Variants in METTL16 observed in about 807,000 individuals in gnomAD.
METTL16 encodes methyltransferase 16, RNA N6-adenosine, also known as RNA N(6)-adenosine-methyltransferase METTL16.
A neutral mutation model predicts 57.9 loss-of-function variants in METTL16; 19 were observed. That is an observed-to-expected ratio of 0.33 (90% CI 0.23 to 0.48). The LOEUF (loss-of-function observed/expected upper bound fraction) is 0.48, where lower values mean the gene tolerates loss of function less well. Among genes scored for constraint, METTL16 ranks in the 20% least tolerant of loss-of-function variants. METTL16 has a pLI of 0.99. For missense variants in METTL16, 434 were observed against 691.5 expected, an observed-to-expected ratio of 0.63 and a Z score of 4.18; for synonymous variants, 246 against 255.6, an observed-to-expected ratio of 0.96 and a Z score of 0.36.
chr17:2,502,737 T>C (rs1457895709), intron 1 of METTL16, among the ~76,000 whole-genome samples: 7 of 151,816 alleles, frequency 4.6e-5, no homozygotes, highest in Non-Finnish European at 8.8e-5. Context: ...AGTTAATAGT[T>C]ACAGCCAACA....
chr17:2,428,699 C>G (rs1397881703), intron 8 of METTL16, among the ~76,000 whole-genome samples: 2 of 146,226 alleles, frequency 1.4e-5, no homozygotes, highest in South Asian at 2.1e-4. Context: ...GAGTTCGAGA[C>G]CAGCATGGGC....
intron 4 of METTL16, among the ~76,000 whole-genome samples, chr17:2,472,934 T>C (rs7225589): frequency 0.085 from 12,862 of 152,048 alleles, 1,731 homozygotes; most frequent in African/African-American, 0.29. Flanking sequence ...GTCAGCTTCA[T>C]TATTCCAAAA....
intron 3 of METTL16, among the ~76,000 whole-genome samples, chr17:2,475,569 G>A (rs72805756): frequency 0.048 from 7,254 of 152,166 alleles, 194 homozygotes; most frequent in Admixed American, 0.091. Context: ...ATTTGTCAGC[G>A]CCAAAAAAAG....
chr17:2,424,924 G>A (rs1292429275), intron 8 of METTL16, among the ~76,000 whole-genome samples: 3 of 151,882 alleles, frequency 2.0e-5, no homozygotes, highest in African/African-American at 7.3e-5. Context: ...CTCCAGCCTC[G>A]GTGACAGAGC....
At chr17:2,500,259 T>C (rs944380607) in intron 2 of METTL16, among the ~76,000 whole-genome samples, 8 of 151,786 alleles carry the variant, frequency 5.3e-5, no homozygotes, top group African/African-American at 1.9e-4. Context: ...AGCCCTATGA[T>C]CCTAATCTTC....
At position 2,438,347 on chromosome 17, in the gene METTL16, A is replaced by G. The variant is rs1046777875; in HGVS notation, c.799-149T>C. On this transcript the variant is annotated intron_variant, in intron 7 of 9. Transcript: ENST00000263092. ...AACAACAGTTATAGATAGCTGCCTA[A>G]TAATGAATGAATAAATCATCTCTCA... is the stretch of plus-strand genomic sequence containing the variant. 60 of 609,374 alleles carry G rather than the reference A, an allele frequency of 9.8e-5. No homozygotes were observed. The Admixed American group carries it at 1.6e-3, about 16-fold the overall frequency. 37.7% of individuals were successfully genotyped at this position (609,374 alleles called of 1,614,324 possible).
chr17:2,453,528 A>C (rs1175580391), intron 6 of METTL16, among the ~76,000 whole-genome samples: 2 of 152,218 alleles, frequency 1.3e-5, no homozygotes, highest in African/African-American at 4.8e-5. Context: ...GGTGCGTCAC[A>C]TCAGGAGATG....
rs1555621099 is a variant in METTL16, at chr17:2,492,912, A to AAAC, written c.128+9291_128+9292insGTT. On this transcript the variant is annotated intron_variant, in intron 2 of 9. Transcript: ENST00000263092. The stretch of plus-strand genomic sequence containing the variant: ...GACTCCGTCTCAAAAAAAAAAAAAA[A>AAAC]AAAACAACAAAAAAAACACAGCTGG... 1.7e-3 allele frequency among the ~76,000 whole-genome samples: 239 copies of AAAC among 143,384 alleles called. 6 individuals carry two copies. The highest frequency in any genetic ancestry group is 7.0e-3 in the Middle Eastern group (2 of 284). 94.1% of individuals were successfully genotyped at this position (143,384 alleles called of 152,430 possible). A position where few individuals can be genotyped will look rare whatever the true frequency, so the allele number is the denominator to read the frequency against.
At chr17:2,510,214 G>T (rs1317233491) in intron 1 of METTL16, among the ~76,000 whole-genome samples, 2 of 152,198 alleles carry the variant, frequency 1.3e-5, no homozygotes, top group Admixed American at 1.3e-4. Context: ...TGCGGTATTT[G>T]TTCCACGCAT....
At chr17:2,494,953 A>C (rs550114313) in intron 2 of METTL16, among the ~76,000 whole-genome samples, 14 of 151,998 alleles carry the variant, frequency 9.2e-5, no homozygotes, top group Non-Finnish European at 1.8e-4. Flanking sequence ...CTTATTATTT[A>C]AGAAACATTT....
At chr17:2,490,766 A>C (rs898502223) in intron 2 of METTL16, among the ~76,000 whole-genome samples, 1 of 152,186 alleles carries the variant, frequency 6.6e-6, no homozygotes, top group Non-Finnish European at 1.5e-5. Flanking sequence ...TTTGGGCAAG[A>C]GAACAATGTA....
At chr17:2,501,505 T>A (rs2067487113) in intron 2 of METTL16, among the ~76,000 whole-genome samples, 1 of 152,208 alleles carries the variant, frequency 6.6e-6, no homozygotes, top group South Asian at 2.1e-4. Flanking sequence ...ATCTGTGAAA[T>A]CAGTCCTGAT....
At chr17:2,466,332 A>T (rs1322150967) in intron 5 of METTL16, among the ~76,000 whole-genome samples, 1 of 152,194 alleles carries the variant, frequency 6.6e-6, no homozygotes, top group African/African-American at 2.4e-5. Context: ...TTTAGGGAAG[A>T]AAAAAGCTCT....
chr17:2,508,405 C>A (rs2067563473), intron 1 of METTL16, among the ~76,000 whole-genome samples: 2 of 152,148 alleles, frequency 1.3e-5, no homozygotes, highest in Admixed American at 6.6e-5. Flanking sequence ...AATTAAATCA[C>A]TTCTACCCAC....
Position 2,420,870 on chromosome 17 carries a change from G to C in METTL16, c.923C>G (p.Pro308Arg), listed in dbSNP as rs1309640178. The change falls in exon 9 of 10, where the codon CCG becomes CGG. Residue 308 changes from proline to arginine, a missense_variant. This residue lies in a region of METTL16 where 96 missense variants were observed against 138.3 expected (regional missense o/e 0.69). Coordinates refer to ENST00000263092, the MANE Select transcript of METTL16 (RefSeq NM_024086.4). This position sits in a 1 kb window ranked among gnomAD's most constrained non-coding sequence, Gnocchi z 5.4. ...PPSKRRKLEK[P>R]RKPITFVVLA... ...CACCACGAATGTTATGGGTTTTCTC[G>C]GTTTCTCTAATTTTCTTCGCTTACT... The C allele has an allele frequency of 1.9e-6, 3 of 1,613,670 alleles. No homozygotes were observed. The highest frequency in any genetic ancestry group is 3.3e-5 in the Admixed American group (2 of 59,916).
At chr17:2,498,790 A>G (rs2067465428) in intron 2 of METTL16, among the ~76,000 whole-genome samples, 1 of 151,582 alleles carries the variant, frequency 6.6e-6, no homozygotes, top group Admixed American at 6.6e-5. Flanking sequence ...GCAAGGCACA[A>G]GAATCCTCCA....
chr17:2,467,721 C>G (rs1341238995), intron 5 of METTL16, 40 bp downstream of exon 5: 5 of 1,521,232 alleles, frequency 3.3e-6, no homozygotes, highest in Non-Finnish European at 4.6e-6. Context: ...CCACCGCGCC[C>G]AGCCTATATT....
intron 8 of METTL16, among the ~76,000 whole-genome samples, chr17:2,432,940 A>G (rs1423312753): frequency 6.6e-6 from 1 of 152,226 alleles, no homozygotes; most frequent in Non-Finnish European, 1.5e-5. Flanking sequence ...AGCCTGTTCT[A>G]TGTAAAGCCA....
At chr17:2,421,519 G>C (rs1000602046) in intron 8 of METTL16, among the ~76,000 whole-genome samples, 2 of 152,160 alleles carry the variant, frequency 1.3e-5, no homozygotes, top group African/African-American at 2.4e-5. Context: ...CAGCCGCACC[G>C]CACTGCCTTT....
Sources: gnomAD v4.1 joint callset for allele counts (sites outside exome capture counted in the v4.1 genomes callset) on GRCh38, gnomAD v4.1.1 for gene constraint, gnomAD v4.1.1 regional missense constraint, Gnocchi (gnomAD v3.1) non-coding constraint, MANE v1.5 for transcripts, NCBI Gene and HGNC (gene_info 2026-07-23, HGNC 2026-07-21) for gene names.